Variants in MGST1 observed in about 807,000 individuals in gnomAD.
The protein encoded by MGST1 is microsomal glutathione S-transferase 1, also known as glutathione S-transferase 12.
Under a neutral mutation model 8.9 loss-of-function variants are expected in MGST1, and 5 were observed. The ratio of observed to expected loss-of-function variants is 0.56; its 90% CI spans 0.29 to 1.19. The LOEUF is 1.19. MGST1 is among the 50% of genes most tolerant of loss of function. The pLI, the probability that MGST1 is intolerant of heterozygous loss-of-function variation, is 0.08. For synonymous variants in MGST1, 54 were observed against 67.8 expected, an observed-to-expected ratio of 0.80 and a Z score of 1.00; for missense variants, 182 against 187.4, an observed-to-expected ratio of 0.97 and a Z score of 0.17.
rs544756652 is a variant in MGST1 at position 16,587,908 on chromosome 12, T to C, written n.483-1620T>C. Among the ~76,000 whole-genome samples, 2 of 152,246 alleles carry C rather than the reference T, an allele frequency of 1.3e-5. No individual in the cohort carries two copies. The highest frequency in any genetic ancestry group is 4.1e-4 in the South Asian group (2 of 4,830). The stretch of plus-strand genomic sequence containing the variant: ...TCCACAAGCATTGCTACATTTCTCA[T>C]GAAAGAAAACCTTGATTTAATTTTA... On this transcript the variant is annotated intron_variant and non_coding_transcript_variant, in intron 4 of 4. Transcript: ENST00000538857. This position sits in a 1 kb window ranked among gnomAD's most constrained non-coding sequence, Gnocchi z 4.3.
Position 16,513,148 on chromosome 12 carries a change from A to G in MGST1, n.483-76380A>G, listed in dbSNP as rs966292869. Among the ~76,000 whole-genome samples, 17 of 152,214 alleles carry G rather than the reference A, an allele frequency of 1.1e-4. No homozygotes were observed. The highest frequency in any genetic ancestry group is 3.9e-4 in the African/African-American group (16 of 41,448). On this transcript the variant is annotated intron_variant and non_coding_transcript_variant, in intron 4 of 4. Transcript: ENST00000538857. This position sits in a 1 kb window ranked among gnomAD's most constrained non-coding sequence, Gnocchi z 4.2. ...CAGATACACATATACATAAACATAC[A>G]TATAACTTAATCCACTGCCTACTAT...
chr12:16,478,231 T>C (rs543967702), intron 4 of MGST1, among the ~76,000 whole-genome samples: 3 of 151,864 alleles, frequency 2.0e-5, no homozygotes, highest in Non-Finnish European at 4.4e-5. Flanking sequence ...GGTTTCACCA[T>C]GTTGGCCAAG....
At chr12:16,403,636 T>C (rs764186295) in intron 1 of MGST1, among the ~76,000 whole-genome samples, 2 of 152,118 alleles carry the variant, frequency 1.3e-5, no homozygotes, top group Non-Finnish European at 2.9e-5. Flanking sequence ...CATACTGCTA[T>C]AAAGAACTGC....
At chr12:16,351,308 T>C (rs1939452067) in intron 1 of MGST1, among the ~76,000 whole-genome samples, 1 of 132,978 alleles carries the variant, frequency 7.5e-6, no homozygotes, top group African/African-American at 2.7e-5. Context: ...ATTCATGACT[T>C]TCACCCCTTC....
intron 2 of MGST1, among the ~76,000 whole-genome samples, chr12:16,355,282 C>T (rs1460183608): frequency 6.7e-6 from 1 of 149,850 alleles, no homozygotes; most frequent in Non-Finnish European, 1.5e-5. Flanking sequence ...GATCTCGGCT[C>T]ACTGCAACCT....
At chr12:16,423,231 A>G (rs1940853536) in intron 1 of MGST1, among the ~76,000 whole-genome samples, 1 of 152,192 alleles carries the variant, frequency 6.6e-6, no homozygotes, top group Non-Finnish European at 1.5e-5. Flanking sequence ...GTGGGAGCAT[A>G]CATCTGATCC....
intron 4 of MGST1, chr12:16,573,493 A>T (rs1394287973): frequency 7.9e-5 from 12 of 152,202 alleles, no homozygotes; most frequent in African/African-American, 2.7e-4. Context: ...CCTACTAGTT[A>T]TCTCTTTTTA....
At chr12:16,351,204 T>C (rs527430516) in intron 1 of MGST1, among the ~76,000 whole-genome samples, 1 of 152,346 alleles carries the variant, frequency 6.6e-6, no homozygotes, top group South Asian at 2.1e-4. Flanking sequence ...ACACGCTTGC[T>C]GTATTTCTTC....
At chr12:16,484,052 G>A (rs760193358) in intron 4 of MGST1, among the ~76,000 whole-genome samples, 3 of 152,258 alleles carry the variant, frequency 2.0e-5, no homozygotes, top group African/African-American at 4.8e-5. Flanking sequence ...AGATAACTAC[G>A]TATGCCCACA....
rs552471924 is a variant in MGST1 at position 16,361,161 on chromosome 12, G to A, written c.222-2634G>A. ...TGGGAAAATTCCTTTGTGAGAATGT[G>A]AACACATGGCTGGCTATGTGCTGAG... On this transcript the variant is annotated intron_variant, in intron 3 of 3. Transcript: ENST00000396210. The surrounding 1 kb of genome is among the most constrained non-coding windows in gnomAD (Gnocchi z 4.2). Among the ~76,000 whole-genome samples the A allele has an allele frequency of 4.6e-5, 7 of 152,310 alleles. No individual in the cohort carries two copies. The highest frequency in any genetic ancestry group is 6.8e-3 in the Middle Eastern group (2 of 294).
At chr12:16,350,698 A>G (rs1302923628) in intron 1 of MGST1, 1 of 152,176 alleles carries the variant, frequency 6.6e-6, no homozygotes, top group Non-Finnish European at 1.5e-5. Flanking sequence ...ATAAACAACT[A>G]CTATTTCTTA....
chr12:16,382,549 C>T (rs10772924), upstream of MGST1, among the ~76,000 whole-genome samples: 13,686 of 152,194 alleles, frequency 0.09, 1,021 homozygotes, highest in East Asian at 0.3. Flanking sequence ...TCCGCCCCTA[C>T]TGGGGGGGTG....
At chr12:16,527,197 A>G (rs1222145394) in intron 4 of MGST1, among the ~76,000 whole-genome samples, 1 of 152,036 alleles carries the variant, frequency 6.6e-6, no homozygotes, top group Non-Finnish European at 1.5e-5. Flanking sequence ...ACTATCATAT[A>G]TCTGGTTTCT....
intron 4 of MGST1, among the ~76,000 whole-genome samples, chr12:16,504,294 G>GA (rs144541647): frequency 0.17 from 26,460 of 152,090 alleles, 3,126 homozygotes; most frequent in African/African-American, 0.34. Context: ...TTCAGCTCTT[G>GA]AAAATCACAA....
chr12:16,431,267 GT>G (rs760668127), intron 1 of MGST1, among the ~76,000 whole-genome samples: 4 of 152,154 alleles, frequency 2.6e-5, no homozygotes, highest in Admixed American at 6.6e-5. Context: ...CAATTAGGCT[GT>G]TTGGCTTTCT....
Position 16,586,075 on chromosome 12 carries a change from A to G in MGST1, n.483-3453A>G, listed in dbSNP as rs1402359693. ...GAAAACAGCAAAACCTTGATGTACAATTCCATAAAAATTTTTGAGGGGCCA... is the reference window on the plus strand; with the variant it reads ...GAAAACAGCAAAACCTTGATGTACAGTTCCATAAAAATTTTTGAGGGGCCA... On this transcript the variant is annotated intron_variant and non_coding_transcript_variant, in intron 4 of 4. Coordinates refer to the MGST1 transcript ENST00000538857. This position sits in a 1 kb window ranked among gnomAD's most constrained non-coding sequence, Gnocchi z 4.3. Among the ~76,000 whole-genome samples, 1 of 152,172 alleles carries G rather than the reference A, an allele frequency of 6.6e-6. No individual in the cohort carries two copies. Among genetic ancestry groups the G allele is most frequent in the East Asian group, 1.9e-4 (1 of 5,188 alleles).
At chr12:16,425,892 AG>A (rs1392680978) in intron 1 of MGST1, among the ~76,000 whole-genome samples, 1 of 152,316 alleles carries the variant, frequency 6.6e-6, no homozygotes, top group East Asian at 1.9e-4. Context: ...CTCTCAACCC[AG>A]GGAGTTAATT....
At chr12:16,519,522 C>A (rs1941635031) in intron 4 of MGST1, among the ~76,000 whole-genome samples, 1 of 152,206 alleles carries the variant, frequency 6.6e-6, no homozygotes, top group Non-Finnish European at 1.5e-5. Context: ...AGGACTCCAA[C>A]ATTCACATTG....
intron 4 of MGST1, among the ~76,000 whole-genome samples, chr12:16,529,476 C>T (rs1055060241): frequency 2.6e-5 from 4 of 152,006 alleles, no homozygotes; most frequent in Non-Finnish European, 5.9e-5. Flanking sequence ...TCTGGGAGTA[C>T]CTGGCACACA....
Sources: gnomAD v4.1 joint callset for allele counts (sites outside exome capture counted in the v4.1 genomes callset) on GRCh38, gnomAD v4.1.1 for gene constraint, Gnocchi (gnomAD v3.1) non-coding constraint, MANE v1.5 for transcripts, NCBI Gene and HGNC (gene_info 2026-07-23, HGNC 2026-07-21) for gene names.